The following MACROD2 variants were observed in gnomAD, a reference collection of about 807,000 sequenced individuals.
MACROD2 encodes the protein ADP-ribose glycohydrolase MACROD2.
A neutral mutation model predicts 70.4 loss-of-function variants in MACROD2; 36 were observed. That is an observed-to-expected ratio of 0.51 (90% CI 0.39 to 0.68). MACROD2 has a LOEUF of 0.68. MACROD2 is among the 30% of genes least tolerant of loss of function. MACROD2 has a pLI of 0.00. For missense variants in MACROD2, 496 were observed against 538.4 expected (o/e 0.92, Z 0.78); for synonymous variants, 172 against 178.8 (o/e 0.96, Z 0.30).
intron 5 of MACROD2, among the ~76,000 whole-genome samples, chr20:15,172,730 G>A (rs1000204198): frequency 6.6e-6 from 1 of 152,188 alleles, no homozygotes; most frequent in African/African-American, 2.4e-5. Flanking sequence ...TCTTTATGGA[G>A]TGCCTCTCTT....
intron 2 of MACROD2, among the ~76,000 whole-genome samples, chr20:14,018,681 G>A (rs911651985): frequency 2.0e-5 from 3 of 151,868 alleles, no homozygotes; most frequent in South Asian, 2.1e-4. Flanking sequence ...CTCTTCGTTG[G>A]TCTCATTCAG....
At chr20:15,475,737 G>C (rs193163282) in intron 7 of MACROD2, among the ~76,000 whole-genome samples, 5 of 152,192 alleles carry the variant, frequency 3.3e-5, no homozygotes, top group Non-Finnish European at 7.3e-5. Context: ...ATGAGTCCTC[G>C]TCCAGATAGC....
At chr20:14,842,134 C>T (rs1452899273) in intron 5 of MACROD2, among the ~76,000 whole-genome samples, 2 of 152,082 alleles carry the variant, frequency 1.3e-5, no homozygotes, top group Non-Finnish European at 1.5e-5. Flanking sequence ...TTGAAGGCAT[C>T]GCATGGCGAG....
intron 5 of MACROD2, among the ~76,000 whole-genome samples, chr20:15,048,127 T>A (rs4814331): frequency 0.22 from 25,770 of 117,854 alleles, 2,829 homozygotes; most frequent in South Asian, 0.34. Context: ...TAATAAAAAA[T>A]TAGCCAGGTG....
chr20:15,454,857 A>G (rs952543520), intron 7 of MACROD2, among the ~76,000 whole-genome samples: 1 of 152,164 alleles, frequency 6.6e-6, no homozygotes, highest in African/African-American at 2.4e-5. Flanking sequence ...GAGCTGACCT[A>G]GCTGTGGAGA....
chr20:15,663,785 A>C (rs2049857526), intron 8 of MACROD2, among the ~76,000 whole-genome samples: 1 of 152,130 alleles, frequency 6.6e-6, no homozygotes, highest in African/African-American at 2.4e-5. Context: ...AACGAGTAGC[A>C]TTTTCTCCCC....
chr20:15,244,851 G>A (rs531406737), intron 6 of MACROD2, among the ~76,000 whole-genome samples: 84 of 152,220 alleles, frequency 5.5e-4, no homozygotes, highest in South Asian at 1.5e-3. Flanking sequence ...TAATGGATCA[G>A]GCAAATGATA....
chr20:14,446,372 G>A (rs1053904004), intron 3 of MACROD2, among the ~76,000 whole-genome samples: 1 of 152,098 alleles, frequency 6.6e-6, no homozygotes, highest in African/African-American at 2.4e-5. Context: ...TAACTTGTAA[G>A]AGTTGAAACC....
intron 7 of MACROD2, among the ~76,000 whole-genome samples, 182 bp from the exon 8 acceptor site, chr20:15,499,592 C>T (rs891667676): frequency 1.3e-5 from 2 of 152,064 alleles, no homozygotes; most frequent in African/African-American, 4.8e-5. Context: ...GTAGGACCAG[C>T]CTTCTTAATG....
intron 6 of MACROD2, among the ~76,000 whole-genome samples, chr20:15,415,838 T>C (rs940695571): frequency 6.6e-6 from 1 of 152,348 alleles, no homozygotes; most frequent in Non-Finnish European, 1.5e-5. Context: ...ATCTAGTGTA[T>C]GGACTAAGTT....
chr20:15,103,752 G>A (rs1304330352), intron 5 of MACROD2, among the ~76,000 whole-genome samples: 3 of 152,118 alleles, frequency 2.0e-5, no homozygotes, highest in Non-Finnish European at 2.9e-5. Context: ...GACAGCAATT[G>A]GAGAGTGACC....
chr20:15,974,952 T>C (rs1601249184), intron 13 of MACROD2, among the ~76,000 whole-genome samples: 3 of 151,904 alleles, frequency 2.0e-5, no homozygotes, highest in Admixed American at 2.0e-4. Flanking sequence ...TGAGTAAAGG[T>C]TATAGTGAAA....
At chr20:15,931,492 ATCAG>A (rs925736598) in intron 10 of MACROD2, among the ~76,000 whole-genome samples, 1 of 152,010 alleles carries the variant, frequency 6.6e-6, no homozygotes, top group African/African-American at 2.4e-5. Context: ...AAAATAAAAA[ATCAG>A]TCAGGCTTGG....
intron 5 of MACROD2, among the ~76,000 whole-genome samples, chr20:15,139,619 T>C (rs942781035): frequency 6.6e-6 from 1 of 152,084 alleles, no homozygotes; most frequent in Admixed American, 6.6e-5. Flanking sequence ...CCAAACAGAA[T>C]GTATTGGGAG....
chr20:16,039,434 C>A (rs924397808), intron 15 of MACROD2, among the ~76,000 whole-genome samples: 3 of 151,756 alleles, frequency 2.0e-5, no homozygotes, highest in African/African-American at 7.3e-5. Context: ...TTTTAAAAGG[C>A]CTTATATATT....
intron 8 of MACROD2, among the ~76,000 whole-genome samples, chr20:15,536,226 T>C (rs1222409443): frequency 6.6e-6 from 1 of 152,190 alleles, no homozygotes; most frequent in Non-Finnish European, 1.5e-5. Context: ...CAGTTGTTGA[T>C]AAAGACATGT....
At chr20:15,131,539 G>A (rs150934687) in intron 5 of MACROD2, among the ~76,000 whole-genome samples, 2 of 152,048 alleles carry the variant, frequency 1.3e-5, no homozygotes, top group African/African-American at 4.8e-5. Flanking sequence ...TATCATTTAA[G>A]TATAGATGGA....
At chr20:14,229,007 A>T (rs568368717) in intron 3 of MACROD2, among the ~76,000 whole-genome samples, 19 of 145,568 alleles carry the variant, frequency 1.3e-4, no homozygotes, top group Admixed American at 1.0e-3. Context: ...AAAAAAAAAG[A>T]AAAGAAAAAA....
At chr20:15,169,914 A>G (rs904589180) in intron 5 of MACROD2, among the ~76,000 whole-genome samples, 1 of 152,076 alleles carries the variant, frequency 6.6e-6, no homozygotes, top group Non-Finnish European at 1.5e-5. Context: ...ACTGTATTTT[A>G]CTTAGGTTAG....
Sources: gnomAD v4.1 joint callset for allele counts (sites outside exome capture counted in the v4.1 genomes callset) on GRCh38, gnomAD v4.1.1 for gene constraint, MANE v1.5 for transcripts, NCBI Gene and HGNC (gene_info 2026-07-23, HGNC 2026-07-21) for gene names.